The following LPP variants were observed in gnomAD, a reference collection of about 807,000 sequenced individuals.
LPP encodes the protein LIM domain containing preferred translocation partner in lipoma, also known as lipoma-preferred partner.
In LPP, 38 loss-of-function variants were observed where a neutral mutation model predicts 60.4. The ratio of observed to expected loss-of-function variants is 0.63; its 90% CI spans 0.49 to 0.83. LPP has a LOEUF of 0.83. LPP is among the 40% of genes least tolerant of loss of function. The pLI, the probability that LPP is intolerant of heterozygous loss-of-function variation, is 0.00. For missense variants in LPP, 902 were observed against 783.6 expected (o/e 1.15, Z -1.80); for synonymous variants, 328 against 290.8 (o/e 1.13, Z -1.30).
At chr3:188,381,844 G>A (rs185998576) in intron 3 of LPP, among the ~76,000 whole-genome samples, 7 of 152,048 alleles carry the variant, frequency 4.6e-5, no homozygotes, top group Admixed American at 6.6e-5. Flanking sequence ...ATATATATAT[G>A]TATAGAGTCT....
intron 7 of LPP, among the ~76,000 whole-genome samples, chr3:188,638,099 G>A (rs1235285197): frequency 1.4e-5 from 2 of 145,898 alleles, no homozygotes; most frequent in Admixed American, 7.0e-5. Flanking sequence ...GATGAACATT[G>A]ATGCAAAAAT....
intron 1 of LPP, among the ~76,000 whole-genome samples, chr3:188,170,637 G>A (rs1488314863): frequency 6.7e-6 from 1 of 150,032 alleles, no homozygotes; most frequent in Non-Finnish European, 1.5e-5. Context: ...AGCCGAGGGA[G>A]TCTCAGCTTC....
chr3:188,865,361 C>T (rs1432961979), intron 9 of LPP, among the ~76,000 whole-genome samples: 2 of 152,166 alleles, frequency 1.3e-5, no homozygotes, highest in Non-Finnish European at 2.9e-5. Flanking sequence ...CTACATTCAA[C>T]ATTTCTGTCA....
intron 9 of LPP, among the ~76,000 whole-genome samples, chr3:188,820,447 G>A (rs1240574354): frequency 1.3e-5 from 2 of 152,088 alleles, no homozygotes; most frequent in African/African-American, 4.8e-5. Flanking sequence ...GTCTGTATCT[G>A]TGTGAATCTG....
At chr3:188,773,772 G>A (rs1045721520) in intron 9 of LPP, among the ~76,000 whole-genome samples, 2 of 152,100 alleles carry the variant, frequency 1.3e-5, no homozygotes, top group Non-Finnish European at 2.9e-5. Context: ...CATAACACAT[G>A]TACACGTAGT....
At chr3:188,670,596 C>T (rs569024660) in intron 7 of LPP, among the ~76,000 whole-genome samples, 64 of 152,194 alleles carry the variant, frequency 4.2e-4, no homozygotes, top group Non-Finnish European at 7.2e-4. Context: ...ATTTTTGAGA[C>T]TGGGACCTCA....
At chr3:188,596,692 T>A (rs1259978943) in intron 6 of LPP, among the ~76,000 whole-genome samples, 2 of 152,174 alleles carry the variant, frequency 1.3e-5, no homozygotes, top group Admixed American at 1.3e-4. Context: ...CCTTCAAATA[T>A]TTTATTTGAA....
rs778251788 is a variant in LPP at position 188,352,767 on chromosome 3, G to A, written c.-10+11048G>A. Among the ~76,000 whole-genome samples the A allele has an allele frequency of 2.6e-5, 4 of 152,200 alleles. No individual in the cohort carries two copies. The highest frequency in any genetic ancestry group is 2.0e-4 in the Admixed American group (3 of 15,278). ...CAGTCCTGAAAGCTGCAGAGGGATG[G>A]GCTGGTGACACTGCCGTGCCTAGGA... On this transcript the variant is annotated intron_variant, in intron 3 of 11. Transcript: ENST00000617246. This position sits in a 1 kb window ranked among gnomAD's most constrained non-coding sequence, Gnocchi z 4.4.
intron 1 of LPP, among the ~76,000 whole-genome samples, chr3:188,223,913 T>G (rs1015315536): frequency 6.6e-6 from 1 of 152,210 alleles, no homozygotes; most frequent in African/African-American, 2.4e-5. Flanking sequence ...CTTTCAGAAT[T>G]CCAATGTCCT....
chr3:188,230,059 A>G (rs1273909554), intron 2 of LPP, among the ~76,000 whole-genome samples: 3 of 152,084 alleles, frequency 2.0e-5, no homozygotes, highest in Admixed American at 1.3e-4. Flanking sequence ...AAAGACAAAC[A>G]TATAAAGGAG....
At chr3:188,835,303 A>C (rs1317422570) in intron 9 of LPP, among the ~76,000 whole-genome samples, 2 of 28,260 alleles carry the variant, frequency 7.1e-5, no homozygotes, top group Non-Finnish European at 1.4e-4. Flanking sequence ...CTAAAAATAC[A>C]AAAAAAAAAA....
chr3:188,483,016 T>A (rs1311366300), intron 4 of LPP, among the ~76,000 whole-genome samples: 1 of 152,212 alleles, frequency 6.6e-6, no homozygotes, highest in Non-Finnish European at 1.5e-5. Context: ...GAGATATTGA[T>A]GAACTCTAAA....
At chr3:188,854,700 A>G (rs1431169711) in intron 9 of LPP, among the ~76,000 whole-genome samples, 1 of 152,356 alleles carries the variant, frequency 6.6e-6, no homozygotes, top group Non-Finnish European at 1.5e-5. Context: ...AAGAGGATCA[A>G]GTTTGGTTCA....
intron 7 of LPP, among the ~76,000 whole-genome samples, chr3:188,695,503 T>C (rs1474887638): frequency 6.6e-6 from 1 of 152,218 alleles, no homozygotes; most frequent in Non-Finnish European, 1.5e-5. Flanking sequence ...ATACAAATAA[T>C]CGTGCGCCAC....
In LPP at chr3:188,708,353, G is replaced by A. The variant is rs998156487; in HGVS notation, c.1200G>A (p.Met400Ile). ...AGCTTGAGCACCTGACCAAAAAGAT[G>A]CTGTATGACATGGAAAATCCACCTG... is the stretch of plus-strand genomic sequence containing the variant. ...EDELEHLTKK[M>I]LYDMENPPAD... The change falls in exon 8 of 12, where the codon ATG becomes ATA. Residue 400 changes from methionine to isoleucine, a missense_variant. Transcript: ENST00000617246. 3 of 1,614,060 alleles carry A rather than the reference G, an allele frequency of 1.9e-6. No homozygotes were observed. Among genetic ancestry groups the A allele is most frequent in the Non-Finnish European group, 2.5e-6 (3 of 1,180,030 alleles).
At chr3:188,604,837 C>T (rs762226052) in intron 6 of LPP, among the ~76,000 whole-genome samples, 1 of 152,036 alleles carries the variant, frequency 6.6e-6, no homozygotes, top group Non-Finnish European at 1.5e-5. Flanking sequence ...GTGATATGTA[C>T]AGGGAGGGAG....
chr3:188,497,509 A>G (rs896687619), intron 5 of LPP, among the ~76,000 whole-genome samples: 13 of 152,158 alleles, frequency 8.5e-5, no homozygotes, highest in African/African-American at 3.1e-4. Context: ...ATTTGATGGT[A>G]TGGTGTATAT....
At chr3:188,583,606 T>C (rs1836761395) in intron 6 of LPP, among the ~76,000 whole-genome samples, 1 of 152,180 alleles carries the variant, frequency 6.6e-6, no homozygotes. Flanking sequence ...TTTCCACCCA[T>C]TTTAAGTTCC....
intron 1 of LPP, among the ~76,000 whole-genome samples, chr3:188,211,941 C>T (rs1282377740): frequency 6.6e-6 from 1 of 152,118 alleles, no homozygotes; most frequent in African/African-American, 2.4e-5. Flanking sequence ...TCACTGCAAC[C>T]TCCGCCTCCC....
Sources: allele counts gnomAD v4.1 joint callset (sites outside exome capture counted in the v4.1 genomes callset), GRCh38; gene constraint gnomAD v4.1.1; non-coding constraint Gnocchi (gnomAD v3.1); transcripts MANE v1.5; gene names NCBI Gene and HGNC (gene_info 2026-07-23, HGNC 2026-07-21).